LRRTM3: variants seen among roughly 807,000 people sequenced by gnomAD.
LRRTM3 encodes the protein leucine-rich repeat transmembrane neuronal protein 3.
In LRRTM3, 24 loss-of-function variants were observed where a neutral mutation model predicts 44.7. The observed-to-expected ratio is 0.54, with a 90% CI of 0.39 to 0.76. The LOEUF is 0.76. Ranked by LOEUF, LRRTM3 falls within the 30% of genes least tolerant of loss-of-function variation. The pLI, the probability that LRRTM3 is intolerant of heterozygous loss-of-function variation, is 0.00. For missense variants in LRRTM3, 587 were observed against 702.2 expected (o/e 0.84, Z 1.85); for synonymous variants, 277 against 278.7 (o/e 0.99, Z 0.06).
intron 2 of LRRTM3, among the ~76,000 whole-genome samples, chr10:66,979,691 TAC>T (rs1178664446): frequency 6.6e-6 from 1 of 152,194 alleles, no homozygotes; most frequent in African/African-American, 2.4e-5. Context: ...ATAGGTGAGA[TAC>T]AGAGTACTGT....
In LRRTM3 at chr10:66,928,248, G is replaced by A; in HGVS notation, c.1332G>A (p.Arg444=). ...TGGTTATCTACGTGTCATGGAAGCG[G>A]TACCCTGCGAGCATGAAGCAGCTGC... ...ILLVIYVSWK[R]YPASMKQLQQ... is the part of the protein sequence containing the mutation. The change falls in exon 2 of 3, where the codon CGG becomes CGA. Residue 444 remains arginine, a synonymous_variant. Coordinates refer to ENST00000361320, the MANE Select transcript of LRRTM3 (RefSeq NM_178011.5). 1 of 1,614,166 alleles carries A rather than the reference G, an allele frequency of 6.2e-7. No homozygotes were observed. The highest frequency in any genetic ancestry group is 8.5e-7 in the Non-Finnish European group (1 of 1,180,036).
chr10:67,024,693 G>T (rs1853243448), intron 2 of LRRTM3, among the ~76,000 whole-genome samples: 1 of 152,166 alleles, frequency 6.6e-6, no homozygotes, highest in Non-Finnish European at 1.5e-5. Context: ...CATTGATCTT[G>T]TTAATGCTCA....
At chr10:67,008,474 T>A (rs886166620) in intron 2 of LRRTM3, among the ~76,000 whole-genome samples, 2 of 152,194 alleles carry the variant, frequency 1.3e-5, no homozygotes, top group Non-Finnish European at 2.9e-5. Context: ...TTGTTTTGTT[T>A]TGTTTTTACA....
chr10:67,017,717 A>G (rs942724937), intron 2 of LRRTM3, among the ~76,000 whole-genome samples: 1 of 147,128 alleles, frequency 6.8e-6, no homozygotes, highest in African/African-American at 2.5e-5. Context: ...TGATGTCACA[A>G]AAATCATCTG....
intron 2 of LRRTM3, among the ~76,000 whole-genome samples, chr10:66,951,162 G>A (rs1018547537): frequency 6.6e-6 from 1 of 151,060 alleles, no homozygotes; most frequent in African/African-American, 2.4e-5. Context: ...CTGTCACCTG[G>A]AGTGCTGGAG....
chr10:66,975,810 G>T (rs1226232770), intron 2 of LRRTM3, among the ~76,000 whole-genome samples: 1 of 152,084 alleles, frequency 6.6e-6, no homozygotes, highest in African/African-American at 2.4e-5. Flanking sequence ...GTTAACACAT[G>T]ATATTTTGGT....
At chr10:66,983,928 A>G (rs548630558) in intron 2 of LRRTM3, among the ~76,000 whole-genome samples, 8 of 152,328 alleles carry the variant, frequency 5.3e-5, no homozygotes, top group Non-Finnish European at 1.0e-4. Flanking sequence ...GCACTATGTC[A>G]TTTAATTCTT....
chr10:66,952,343 C>T (rs1848578607), intron 2 of LRRTM3, among the ~76,000 whole-genome samples: 1 of 152,210 alleles, frequency 6.6e-6, no homozygotes, highest in Non-Finnish European at 1.5e-5. Context: ...AGAGCTACTA[C>T]CTTTCAACAG....
intron 2 of LRRTM3, among the ~76,000 whole-genome samples, chr10:66,981,418 T>C (rs775777686): frequency 1.4e-4 from 22 of 152,218 alleles, no homozygotes; most frequent in Non-Finnish European, 2.5e-4. Context: ...TTGAGTCCCT[T>C]TGAATTGCCA....
At chr10:66,960,583 G>A (rs1849054829) in intron 2 of LRRTM3, among the ~76,000 whole-genome samples, 1 of 152,128 alleles carries the variant, frequency 6.6e-6, no homozygotes, top group South Asian at 2.1e-4. Flanking sequence ...AGAGAAAAGA[G>A]AGAAAAACAG....
chr10:67,001,323 G>GA (rs1851680049), intron 2 of LRRTM3, among the ~76,000 whole-genome samples: 3 of 147,166 alleles, frequency 2.0e-5, no homozygotes, highest in Non-Finnish European at 3.0e-5. Flanking sequence ...GAAAAAAAAA[G>GA]AGAAAAAAAT....
chr10:66,965,565 GTTTT>G (rs33920200), intron 2 of LRRTM3, among the ~76,000 whole-genome samples: 16 of 134,698 alleles, frequency 1.2e-4, no homozygotes, highest in Middle Eastern at 3.9e-3. Flanking sequence ...AAAAAAAGCT[GTTTT>G]TTTTTTTTTT....
intron 2 of LRRTM3, among the ~76,000 whole-genome samples, chr10:67,021,176 C>G (rs1852987012): frequency 6.6e-6 from 1 of 151,896 alleles, no homozygotes; most frequent in Admixed American, 6.6e-5. Context: ...GCAAAAGTAT[C>G]AAGATCAGAA....
chr10:67,078,779 G>A lies in LRRTM3; in HGVS notation c.1537-18808G>A, dbSNP rs1252194077. ...GATCTGCCCACCTCGGCCCCCCAAC[G>A]TGCTGAGATTACAGATGTGAGCCAC... On this transcript the variant is annotated intron_variant, in intron 2 of 2. Transcript: ENST00000361320. Among the ~76,000 whole-genome samples, 10 of 152,190 alleles carry A rather than the reference G, an allele frequency of 6.6e-5. No homozygotes were observed. The South Asian group carries it at 1.0e-3, about 16-fold the overall frequency.
At chr10:66,983,696 T>C (rs1264799226) in intron 2 of LRRTM3, among the ~76,000 whole-genome samples, 2 of 152,218 alleles carry the variant, frequency 1.3e-5, no homozygotes, top group African/African-American at 4.8e-5. Flanking sequence ...GAGGCATAGA[T>C]AGTTTAGTCT....
At chr10:66,964,585 T>C (rs1849299972) in intron 2 of LRRTM3, among the ~76,000 whole-genome samples, 1 of 152,210 alleles carries the variant, frequency 6.6e-6, no homozygotes, top group South Asian at 2.1e-4. Flanking sequence ...ACTTTCATCA[T>C]GACATTTAAA....
At chr10:67,062,649 G>T (rs562180976) in intron 2 of LRRTM3, among the ~76,000 whole-genome samples, 2 of 152,182 alleles carry the variant, frequency 1.3e-5, no homozygotes, top group South Asian at 4.2e-4. Context: ...CTTTGCAAAT[G>T]TTCTGAATTG....
At chr10:67,026,467 C>T (rs1314523370) in intron 2 of LRRTM3, among the ~76,000 whole-genome samples, 2 of 151,488 alleles carry the variant, frequency 1.3e-5, no homozygotes, top group African/African-American at 4.8e-5. Context: ...TATAACAAAA[C>T]AAAAGAAATA....
chr10:66,928,055 T>TTAA lies in LRRTM3; in HGVS notation c.1140_1142dup (p.Phe380_Lys381insAsn), dbSNP rs762128789. ...GCCAGGGCTCTCCCAAAGCCGACGT[T>TTAA]TAAGCCCAAGCTCCCCAGGCCGAAG... is the stretch of plus-strand genomic sequence containing the variant. On this transcript the variant is annotated inframe_insertion, in exon 2 of 3. Transcript: ENST00000361320. 4 of 1,614,044 alleles carry TTAA rather than the reference T, an allele frequency of 2.5e-6. No individual in the cohort carries two copies. In the Admixed American group the frequency reaches 5.0e-5, roughly 20 times the overall value.
Sources: allele counts gnomAD v4.1 joint callset (sites outside exome capture counted in the v4.1 genomes callset), GRCh38; gene constraint gnomAD v4.1.1; transcripts MANE v1.5; gene names NCBI Gene and HGNC (gene_info 2026-07-23, HGNC 2026-07-21).